SERHL2: variants seen among roughly 807,000 people sequenced by gnomAD.
SERHL2 encodes the protein serine hydrolase-like protein 2.
A neutral mutation model predicts 25.5 loss-of-function variants in SERHL2; 29 were observed. The ratio of observed to expected loss-of-function variants is 1.14; its 90% confidence interval spans 0.85 to 1.55. The LOEUF (loss-of-function observed/expected upper bound fraction) is 1.55, where lower values mean the gene tolerates loss of function less well. Ranked by LOEUF, SERHL2 falls within the 40% of genes most tolerant of loss-of-function variation. The probability of loss-of-function intolerance (pLI) is 0.00; values close to 1 mark genes in which losing one functional copy is unlikely to be tolerated. For missense variants in SERHL2, 240 were observed against 252.3 expected (o/e 0.95, Z 0.33); for synonymous variants, 95 against 103.5 (o/e 0.92, Z 0.50).
intron 8 of SERHL2, among the ~76,000 whole-genome samples, chr22:42,565,785 A>ATC (rs753321269): frequency 3.3e-5 from 5 of 151,866 alleles, no homozygotes; most frequent in African/African-American, 4.8e-5. Context: ...TGAACTTGAG[A>ATC]ATCAGGTGGT....
chr22:42,564,313 T>G (rs573574848), intron 8 of SERHL2, among the ~76,000 whole-genome samples: 1 of 151,758 alleles, frequency 6.6e-6, no homozygotes, highest in African/African-American at 2.4e-5. Context: ...ACCCTGTTCA[T>G]GTAAGGGGCT....
chr22:42,571,188 A>C lies in SERHL2; in HGVS notation c.716A>C (p.His239Pro). 2 of 1,613,386 alleles carry C rather than the reference A, an allele frequency of 1.2e-6. No individual in the cohort carries two copies. The highest frequency in any genetic ancestry group is 1.7e-6 in the Non-Finnish European group (2 of 1,179,644). ...CATTCCATCAGGAAGCTGCAGGCCCATGTCCTGTTGATCAAGTAAGTCTGG... is the reference window on the plus strand; with the variant it reads ...CATTCCATCAGGAAGCTGCAGGCCCCTGTCCTGTTGATCAAGTAAGTCTGG... ...CAHSIRKLQAHVLLIKAVHGY... is the reference protein window; with the variant it reads ...CAHSIRKLQAPVLLIKAVHGY... Residue 239 changes from histidine (H) to proline (P), a missense_variant, in exon 10 of 12, where the codon CAT (histidine) becomes CCT (proline). Around this residue, in one of 4 missense-constraint regions of SERHL2, gnomAD observed 212 missense variants for 168.9 expected, o/e 1.25. Coordinates refer to ENST00000327678, the MANE Select transcript of SERHL2 (RefSeq NM_014509.5).
At chr22:42,567,390 C>T (rs1336249384) in intron 9 of SERHL2, among the ~76,000 whole-genome samples, 2 of 151,820 alleles carry the variant, frequency 1.3e-5, no homozygotes, top group African/African-American at 2.4e-5. Context: ...TTCGGCCGGG[C>T]GCGGTGGCTC....
intron 8 of SERHL2, chr22:42,564,967 C>CGCGTGTGT (rs1555999435): frequency 2.7e-5 from 4 of 150,528 alleles, no homozygotes; most frequent in Non-Finnish European, 5.9e-5. Context: ...TCGGCGCGCG[C>CGCGTGTGT]GTGTGTGTGT....
At chr22:42,570,191 GCAGA>G (rs1923972461) in intron 9 of SERHL2, among the ~76,000 whole-genome samples, 1 of 151,982 alleles carries the variant, frequency 6.6e-6, no homozygotes, top group South Asian at 2.1e-4. Context: ...GGAGTCCGAG[GCAGA>G]CAGATCACCT....
rs761318843 is a variant in SERHL2 at position 42,574,023 on chromosome 22, C to G, written c.913C>G (p.Gln305Glu). The G allele has an allele frequency of 2.5e-6, 4 of 1,579,838 alleles. No individual in the cohort carries two copies. Among genetic ancestry groups the G allele is most frequent in the African/African-American group, 1.4e-5 (1 of 74,010 alleles). ...GGCCAGTATCATCAGCTCCTTCTTA[C>G]AGTGCACACACATGCTCCCAGCCCA... ...HVASIISSFL[Q>E]CTHMLPAQL is the part of the protein sequence containing the mutation. Residue 305 changes from glutamine to glutamate, a missense_variant, in exon 12 of 12, where the codon CAG becomes GAG. This residue lies in a region of SERHL2 where 212 missense variants were observed against 168.9 expected (regional missense o/e 1.25). Transcript: ENST00000327678.
intron 9 of SERHL2, among the ~76,000 whole-genome samples, chr22:42,568,567 C>T (rs1923727717): frequency 6.6e-6 from 1 of 151,886 alleles, no homozygotes; most frequent in Non-Finnish European, 1.5e-5. Context: ...AAGATGGTTC[C>T]CAGGGATGGA....
intron 8 of SERHL2, among the ~76,000 whole-genome samples, chr22:42,563,048 T>C (rs1479472346): frequency 2.0e-5 from 3 of 151,594 alleles, no homozygotes; most frequent in Non-Finnish European, 4.4e-5. Flanking sequence ...AATTCAAAAA[T>C]AAACGGCATG....
rs150738305 is a variant in SERHL2, at chr22:42,565,836, A to G, written c.614-468A>G. ...AGAAAATCTTGTTGGTATATCATAT[A>G]TGTATGGTTTTTTAGTGGTTTTTGT... On this transcript the variant is annotated intron_variant, in intron 8 of 11. Coordinates refer to ENST00000327678, the MANE Select transcript of SERHL2 (RefSeq NM_014509.5). 1.7e-3 allele frequency among the ~76,000 whole-genome samples: 259 copies of G among 151,776 alleles called. 4 individuals are homozygous for G. Among genetic ancestry groups the G allele is most frequent in the African/African-American group, 5.6e-3 (230 of 41,436 alleles).
At chr22:42,571,408 G>T in intron 10 of SERHL2, 1 of 1,401,546 alleles carries the variant, frequency 7.1e-7, no homozygotes, top group Non-Finnish European at 9.3e-7. Flanking sequence ...GGCAGCAGGG[G>T]ATGGGCCGGG....
intron 9 of SERHL2, chr22:42,569,172 T>C (rs1341723356): frequency 6.6e-6 from 1 of 151,200 alleles, no homozygotes; most frequent in South Asian, 2.1e-4. Flanking sequence ...AATTTTCGTA[T>C]CACGCTTGCA....
chr22:42,553,976 C>T lies in SERHL2; in HGVS notation c.-45C>T, dbSNP rs200029335. ...GCGTCACTCTGCTCCTGCGACCTAG[C>T]CAGGCGTGAGGGAGTGACAGCAGCG... On this transcript the variant is annotated 5_prime_UTR_variant, in exon 1 of 12. Coordinates refer to ENST00000327678, the MANE Select transcript of SERHL2 (RefSeq NM_014509.5). 1.0e-4 allele frequency: 164 copies of T among 1,611,530 alleles called. 1 individual carries two copies. In the African/African-American group the frequency reaches 1.9e-3, roughly 18 times the overall value.
chr22:42,567,649 C>T lies in SERHL2; in HGVS notation c.648+1311C>T, dbSNP rs892571519. On this transcript the variant is annotated intron_variant, in intron 9 of 11. Transcript: ENST00000327678. ...ACTGCAGTTCGCAGTCCGGCCTGGG[C>T]GACAGAGCGAGACTCCATGTCAAAA... Among the ~76,000 whole-genome samples, 9 of 149,390 alleles carry T rather than the reference C, an allele frequency of 6.0e-5. No homozygotes were observed. The East Asian group carries it at 9.9e-4, about 16-fold the overall frequency.
chr22:42,570,097 A>C (rs12484552), intron 9 of SERHL2: 17,715 of 152,010 alleles, frequency 0.12, 1,504 homozygotes, highest in Admixed American at 0.18. Flanking sequence ...AAAGCCTCAC[A>C]GAACTTGACA....
intron 11 of SERHL2, chr22:42,573,669 CG>C: frequency 2.1e-6 from 1 of 482,836 alleles, no homozygotes; most frequent in Non-Finnish European, 3.8e-6. Flanking sequence ...ACCCTGGCCT[CG>C]GCCCCGCCCT....
chr22:42,573,859 G>C, intron 11 of SERHL2, 77 bp from the exon 12 acceptor site: 1 of 1,423,224 alleles, frequency 7.0e-7, no homozygotes, highest in Non-Finnish European at 9.7e-7. Flanking sequence ...GCTGTGGGAG[G>C]GCCCTGACCC....
rs745989327 is a variant in SERHL2 at position 42,571,208 on chromosome 22, G to T, written c.731+5G>T. On this transcript the variant is annotated splice_donor_5th_base_variant and intron_variant, in intron 10 of 11. Coordinates refer to ENST00000327678, the MANE Select transcript of SERHL2 (RefSeq NM_014509.5). ...GGCCCATGTCCTGTTGATCAAGTAA[G>T]TCTGGACCCATCCCCTTCAGCCACC... is the stretch of plus-strand genomic sequence containing the variant. The T allele has an allele frequency of 7.4e-6, 12 of 1,612,980 alleles. No individual in the cohort carries two copies. The South Asian group carries it at 1.2e-4, about 16-fold the overall frequency.
At chr22:42,555,855 C>T in intron 4 of SERHL2, 150 bp downstream of exon 4, 1 of 139,212 alleles carries the variant, frequency 7.2e-6, no homozygotes, top group Non-Finnish European at 1.2e-5. Flanking sequence ...TACCCTCTGA[C>T]CTCAGGCAAC....
intron 9 of SERHL2, chr22:42,569,655 A>C (rs1467799552): frequency 6.6e-6 from 1 of 151,916 alleles, no homozygotes; most frequent in African/African-American, 2.4e-5. Context: ...AAGCTTGGTC[A>C]CACCCTGCTG....
Sources: gnomAD v4.1 joint callset for allele counts (sites outside exome capture counted in the v4.1 genomes callset) on GRCh38, gnomAD v4.1.1 for gene constraint, gnomAD v4.1.1 regional missense constraint, MANE v1.5 for transcripts, NCBI Gene and HGNC (gene_info 2026-07-23, HGNC 2026-07-21) for gene names.